Variants in PML observed in about 807,000 individuals in gnomAD.
The protein encoded by PML is protein PML.
Under a neutral mutation model 65.2 loss-of-function variants are expected in PML, and 28 were observed. That is an observed-to-expected ratio of 0.43 (90% CI 0.32 to 0.59). The LOEUF (loss-of-function observed/expected upper bound fraction) is 0.59. Among genes scored for constraint, PML ranks in the 20% least tolerant of loss-of-function variants. PML has a pLI of 0.08. For missense variants in PML, 1,021 were observed against 1,203.4 expected (o/e 0.85, Z 2.24); for synonymous variants, 500 against 508.8 (o/e 0.98, Z 0.23).
At chr15:73,999,245 C>T (rs916521301) in intron 2 of PML, among the ~76,000 whole-genome samples, 3 of 152,160 alleles carry the variant, frequency 2.0e-5, no homozygotes, top group Non-Finnish European at 4.4e-5. Context: ...TATTTTCCCT[C>T]TTTTAGCCAA....
At chr15:74,012,508 C>T (rs2070380756) in intron 2 of PML, among the ~76,000 whole-genome samples, 1 of 152,154 alleles carries the variant, frequency 6.6e-6, no homozygotes, top group Non-Finnish European at 1.5e-5. Flanking sequence ...TGGGGTTTCG[C>T]CATGTTGGCC....
At position 74,023,387 on chromosome 15, in the gene PML, T is replaced by C; in HGVS notation, c.1162T>C (p.Ser388Pro). 2 of 1,599,132 alleles carry C rather than the reference T, an allele frequency of 1.3e-6. No individual in the cohort carries two copies. The highest frequency in any genetic ancestry group is 1.7e-6 in the Non-Finnish European group (2 of 1,179,736). ...CAAGGTGCGCCTGCAGGACCTCAGC[T>C]CTTGCATCACCCAGGGGAAAGGTAA... ...EFKVRLQDLS[S>P]CITQGKDAAV... is the part of the protein sequence containing the mutation. Residue 388 changes from serine to proline, a missense_variant, in exon 3 of 9, where the codon TCT becomes CCT. By Grantham distance (74) the Ser-to-Pro change is moderately conservative. Transcript: ENST00000268058.
chr15:74,011,134 A>C (rs1420913340), intron 2 of PML, among the ~76,000 whole-genome samples: 1 of 152,024 alleles, frequency 6.6e-6, no homozygotes, highest in Non-Finnish European at 1.5e-5. Context: ...AGAAGGGTTT[A>C]CTCCTCATGG....
chr15:74,040,305 C>G (rs973230202), intron 7 of PML, among the ~76,000 whole-genome samples: 1 of 152,180 alleles, frequency 6.6e-6, no homozygotes, highest in Non-Finnish European at 1.5e-5. Context: ...GCAAAGCTTT[C>G]CCCCTTGATT....
chr15:74,041,824 G>A (rs767509080), intron 7 of PML, among the ~76,000 whole-genome samples: 2 of 152,238 alleles, frequency 1.3e-5, no homozygotes, highest in African/African-American at 4.8e-5. Flanking sequence ...AATTAACTGA[G>A]GCTTTAGCAC....
At chr15:74,031,593 T>A (rs75744890) in intron 4 of PML, among the ~76,000 whole-genome samples, 2 of 152,218 alleles carry the variant, frequency 1.3e-5, no homozygotes, top group South Asian at 4.1e-4. Flanking sequence ...TTGTTTTACC[T>A]TTTGGCTATT....
intron 2 of PML, among the ~76,000 whole-genome samples, chr15:74,017,510 G>T (rs940340729): frequency 3.9e-5 from 6 of 151,968 alleles, no homozygotes. Context: ...TTAGCCAGGT[G>T]TGGTGGCGTA....
At chr15:74,016,613 G>C (rs938022886) in intron 2 of PML, among the ~76,000 whole-genome samples, 2 of 151,948 alleles carry the variant, frequency 1.3e-5, no homozygotes, top group Non-Finnish European at 2.9e-5. Flanking sequence ...TGAAAAGGAG[G>C]GATGAGAGAA....
chr15:74,023,419 A>G lies in PML; in HGVS notation c.1183+11A>G. ...TCACCCAGGGGAAAGGTAAGCACGCACGCCACCTTCCTGGGCGGCCTGTGC... is the reference window on the plus strand; with the variant it reads ...TCACCCAGGGGAAAGGTAAGCACGCGCGCCACCTTCCTGGGCGGCCTGTGC... On this transcript the variant is annotated intron_variant, in intron 3 of 8. Coordinates refer to ENST00000268058, the MANE Select transcript of PML (RefSeq NM_033238.3). The G allele has an allele frequency of 3.1e-6, 5 of 1,593,074 alleles. No individual in the cohort carries two copies. Among genetic ancestry groups the G allele is most frequent in the Non-Finnish European group, 4.3e-6 (5 of 1,175,830 alleles).
intron 8 of PML, 105 bp from the exon 9 acceptor site, chr15:74,044,116 G>C: frequency 9.3e-7 from 1 of 1,080,822 alleles, no homozygotes. Flanking sequence ...AGACCCCAAG[G>C]TGAGGTCTCT....
rs370723883 is a variant in PML, at chr15:74,033,331, C to T, written c.1574C>T (p.Pro525Leu). The T allele has an allele frequency of 8.5e-5, 137 of 1,614,000 alleles. 1 individual carries two copies. Among genetic ancestry groups the T allele is most frequent in the Middle Eastern group, 6.6e-4 (4 of 6,084 alleles). ...GTCTCACCACCCCACCTGGATGGAC[C>T]GCCTAGCCCCAGGAGCCCCGTCATA... ...KAVSPPHLDG[P>L]PSPRSPVIGS... The change falls in exon 6 of 9, where the codon CCG becomes CTG. Residue 525 changes from proline to leucine, a missense_variant. By Grantham distance (98) the Pro-to-Leu change is moderately conservative (BLOSUM62 -3). Coordinates refer to ENST00000268058, the MANE Select transcript of PML (RefSeq NM_033238.3).
chr15:74,044,838 C>T lies in PML; in HGVS notation c.2479C>T (p.Leu827=), dbSNP rs28523403. 1 of 1,613,400 alleles carries T rather than the reference C, an allele frequency of 6.2e-7. No homozygotes were observed. Among genetic ancestry groups the T allele is most frequent in the South Asian group, 1.1e-5 (1 of 91,092 alleles). Residue 827 remains leucine, a synonymous_variant, in exon 9 of 9, where the codon CTA becomes TTA. Coordinates refer to ENST00000268058, the MANE Select transcript of PML (RefSeq NM_033238.3). ...QGGLKKYSRY[L]SLQTTTLPPA... Reference sequence around the variant, plus strand: ...GGGCCTGAAGAAGTACAGCCGCTATCTAAGCCTGCAGACCACCACGTTGCC... The same window carrying T: ...GGGCCTGAAGAAGTACAGCCGCTATTTAAGCCTGCAGACCACCACGTTGCC...
At chr15:74,021,799 C>T (rs2070847744) in intron 2 of PML, among the ~76,000 whole-genome samples, 1 of 151,982 alleles carries the variant, frequency 6.6e-6, no homozygotes, top group Non-Finnish European at 1.5e-5. Context: ...TACCTGAATG[C>T]CAGCAAAACG....
At chr15:74,008,687 C>T (rs1007718768) in intron 2 of PML, among the ~76,000 whole-genome samples, 2 of 148,158 alleles carry the variant, frequency 1.3e-5, no homozygotes, top group African/African-American at 5.0e-5. Flanking sequence ...TGCAGTGAGC[C>T]AAGATTGCGC....
At chr15:74,026,744 G>C (rs1440601032) in intron 4 of PML, 3 of 152,104 alleles carry the variant, frequency 2.0e-5, no homozygotes, top group African/African-American at 4.8e-5. Context: ...TCTGCCCCCT[G>C]GGTTCAAGCG....
At chr15:74,014,028 T>C (rs1484421990) in intron 2 of PML, among the ~76,000 whole-genome samples, 1 of 152,182 alleles carries the variant, frequency 6.6e-6, no homozygotes, top group Non-Finnish European at 1.5e-5. Context: ...CTTAAAAAAT[T>C]TCTCACTGCT....
rs148027321 is a variant in PML, at chr15:74,005,525, G to A, written c.602+7049G>A. On this transcript the variant is annotated intron_variant, in intron 2 of 8. Transcript: ENST00000268058. ...TTCTAACTCGCCAGCTCATCTTTTC[G>A]CCGCTGACTCCATTCTTCTATCTGC... is the stretch of plus-strand genomic sequence containing the variant. 9.6e-3 allele frequency among the ~76,000 whole-genome samples: 1,446 copies of A among 150,582 alleles called. 9 individuals carry two copies. The highest frequency in any genetic ancestry group is 0.017 in the Non-Finnish European group (1,124 of 67,798).
chr15:74,016,790 A>ATTTTTTTTTTTT (rs1419052993), intron 2 of PML, among the ~76,000 whole-genome samples: 23 of 64,448 alleles, frequency 3.6e-4, no homozygotes, highest in Middle Eastern at 6.4e-3. Context: ...AGGCAGTGGC[A>ATTTTTTTTTTTT]TCTTTTTTTT....
At position 74,035,881 on chromosome 15, in the gene PML, TCCCACCACC is replaced by T; in HGVS notation, c.1710+1353_1710+1361del. 1 of 1,613,560 alleles carries T rather than the reference TCCCACCACC, an allele frequency of 6.2e-7. No individual in the cohort carries two copies. The highest frequency in any genetic ancestry group is 1.1e-5 in the South Asian group (1 of 91,064). ...CCTCTGGAAGCCTCTCCAATTACAT[TCCCACCACC>T]CTGTGCCCCAGAAAGGCCCCCCATC... is the stretch of plus-strand genomic sequence containing the variant. On this transcript the variant is annotated intron_variant, in intron 7 of 8. Transcript: ENST00000268058. The surrounding 1 kb of genome is among the most constrained non-coding windows in gnomAD (Gnocchi z 4.1).
Sources: allele counts gnomAD v4.1 joint callset (sites outside exome capture counted in the v4.1 genomes callset), GRCh38; gene constraint gnomAD v4.1.1; non-coding constraint Gnocchi (gnomAD v3.1); transcripts MANE v1.5; gene names NCBI Gene and HGNC (gene_info 2026-07-23, HGNC 2026-07-21).